Variants in NRXN3 observed in about 807,000 individuals in gnomAD.
NRXN3 encodes neurexin 3.
In NRXN3, 32 loss-of-function variants were observed where a neutral mutation model predicts 137.6. The ratio of observed to expected loss-of-function variants is 0.23; its 90% CI spans 0.18 to 0.31. The LOEUF (loss-of-function observed/expected upper bound fraction) is 0.31, where lower values mean the gene tolerates loss of function less well. NRXN3 is among the 10% of genes least tolerant of loss of function. The pLI, the probability that NRXN3 is intolerant of heterozygous loss-of-function variation, is 1.00. For synonymous variants in NRXN3, 798 were observed against 784.5 expected, an observed-to-expected ratio of 1.02 and a Z score of -0.29; for missense variants, 1,574 against 2,062.5, an observed-to-expected ratio of 0.76 and a Z score of 4.59.
intron 16 of NRXN3, among the ~76,000 whole-genome samples, chr14:79,518,241 G>A (rs1475454199): frequency 6.6e-6 from 1 of 151,842 alleles, no homozygotes; most frequent in Admixed American, 6.6e-5. Flanking sequence ...AAGCATTAGA[G>A]TATATAAGCA....
At chr14:79,767,459 A>G (rs1349102089) in intron 19 of NRXN3, among the ~76,000 whole-genome samples, 1 of 152,228 alleles carries the variant, frequency 6.6e-6, no homozygotes, top group Admixed American at 6.5e-5. Context: ...ATATGCTGTC[A>G]TAACCTCATG....
intron 2 of NRXN3, among the ~76,000 whole-genome samples, chr14:78,272,432 G>A (rs2072929927): frequency 1.3e-5 from 2 of 152,148 alleles, no homozygotes; most frequent in Admixed American, 6.5e-5. Flanking sequence ...TATAAGGGTG[G>A]GGCAAGTATT....
intron 19 of NRXN3, among the ~76,000 whole-genome samples, chr14:79,738,919 T>A (rs890016611): frequency 1.3e-5 from 2 of 152,164 alleles, no homozygotes; most frequent in African/African-American, 4.8e-5. Flanking sequence ...CACAGGAAAC[T>A]AATACAATAC....
chr14:78,516,586 G>A (rs1283856849), intron 4 of NRXN3, among the ~76,000 whole-genome samples: 1 of 151,674 alleles, frequency 6.6e-6, no homozygotes, highest in Non-Finnish European at 1.5e-5. Flanking sequence ...TTGGTGGAGA[G>A]CACCGAGGTC....
rs1354709308 is a variant in NRXN3, at chr14:78,300,728, A to G, written c.757+2868A>G. 8 of 1,426,534 alleles carry G rather than the reference A, an allele frequency of 5.6e-6. No homozygotes were observed. The East Asian group carries it at 1.7e-4, about 31-fold the overall frequency. The allele number at this position is 1,426,534 out of a possible 1,614,324, so 88.4% of individuals were successfully genotyped here. A position where few individuals can be genotyped will look rare whatever the true frequency, so the allele number is the denominator to read the frequency against. On this transcript the variant is annotated intron_variant, in intron 4 of 20. Coordinates refer to ENST00000335750, the MANE Select transcript of NRXN3 (RefSeq NM_001330195.2). ...TTTATTTTTATCATTATAACTATCA[A>G]TCTGCCTTTTGAAATATTCATGCAT...
chr14:78,535,245 T>C (rs2096524056), intron 4 of NRXN3, among the ~76,000 whole-genome samples: 1 of 152,012 alleles, frequency 6.6e-6, no homozygotes, highest in Admixed American at 6.6e-5. Context: ...GCTTCTCTGT[T>C]TACTGGGCAA....
At position 78,848,406 on chromosome 14, in the gene NRXN3, C is replaced by G. The variant is rs570394715; in HGVS notation, c.2275+38062C>G. On this transcript the variant is annotated intron_variant, in intron 10 of 20. Coordinates refer to ENST00000335750, the MANE Select transcript of NRXN3 (RefSeq NM_001330195.2). Reference sequence around the variant, plus strand: ...GGCTCTGTGTCAGGTGCTGGATAACCGTTAAAAGAAAGGAAAGCAAGCCCT... The same window carrying G: ...GGCTCTGTGTCAGGTGCTGGATAACGGTTAAAAGAAAGGAAAGCAAGCCCT... Among the ~76,000 whole-genome samples, 129 of 152,112 alleles carry G rather than the reference C, an allele frequency of 8.5e-4. 2 individuals are homozygous for G. The highest frequency in any genetic ancestry group is 2.7e-3 in the African/African-American group (113 of 41,508).
At chr14:78,463,452 T>G (rs1051693671) in intron 4 of NRXN3, among the ~76,000 whole-genome samples, 1 of 151,928 alleles carries the variant, frequency 6.6e-6, no homozygotes, top group Non-Finnish European at 1.5e-5. Context: ...AATTCTATCT[T>G]TAGTTCTTTG....
chr14:79,127,810 A>G (rs1274328061), intron 15 of NRXN3, among the ~76,000 whole-genome samples: 6 of 152,190 alleles, frequency 3.9e-5, no homozygotes, highest in African/African-American at 1.4e-4. Flanking sequence ...ACCGATGAGC[A>G]TGGAATGTTC....
intron 15 of NRXN3, among the ~76,000 whole-genome samples, chr14:79,011,774 C>T (rs895929650): frequency 6.6e-6 from 1 of 152,020 alleles, no homozygotes; most frequent in African/African-American, 2.4e-5. Flanking sequence ...GAGATCGCCC[C>T]GGAATGTATA....
chr14:79,749,165 C>T (rs767922088), intron 19 of NRXN3, among the ~76,000 whole-genome samples: 5 of 152,010 alleles, frequency 3.3e-5, no homozygotes, highest in South Asian at 2.1e-4. Context: ...AGAAGTTAAT[C>T]GTCTTGGGCA....
chr14:79,285,689 T>C (rs2082115320), intron 15 of NRXN3, among the ~76,000 whole-genome samples: 1 of 152,144 alleles, frequency 6.6e-6, no homozygotes, highest in Non-Finnish European at 1.5e-5. Context: ...ATCCATCAGA[T>C]TGGATTAGGG....
At chr14:78,471,271 TTCTTC>T in intron 4 of NRXN3, among the ~76,000 whole-genome samples, 1 of 147,842 alleles carries the variant, frequency 6.8e-6, no homozygotes, top group Admixed American at 7.0e-5. Context: ...TTTCTTCCCT[TTCTTC>T]TCTTCAACAC....
chr14:78,740,993 A>C (rs1053707489), intron 8 of NRXN3, among the ~76,000 whole-genome samples: 8 of 152,188 alleles, frequency 5.3e-5, no homozygotes, highest in Non-Finnish European at 8.8e-5. Context: ...GGAAACTAAA[A>C]GTCAGAGGTG....
At chr14:78,623,863 C>A (rs957225306) in intron 4 of NRXN3, among the ~76,000 whole-genome samples, 10 of 152,158 alleles carry the variant, frequency 6.6e-5, no homozygotes, top group African/African-American at 2.2e-4. Flanking sequence ...TGAGCCATGG[C>A]ACCCGGGCTG....
intron 15 of NRXN3, among the ~76,000 whole-genome samples, chr14:79,435,402 G>C (rs1222799571): frequency 1.3e-5 from 2 of 152,008 alleles, no homozygotes; most frequent in African/African-American, 4.8e-5. Flanking sequence ...AATCTTTTGT[G>C]CACGTGTTGC....
intron 4 of NRXN3, among the ~76,000 whole-genome samples, chr14:78,404,535 A>T (rs1010106592): frequency 1.3e-5 from 2 of 152,102 alleles, no homozygotes; most frequent in African/African-American, 4.8e-5. Flanking sequence ...GAATGAGGGA[A>T]TTGGAAACTA....
intron 8 of NRXN3, among the ~76,000 whole-genome samples, chr14:78,768,142 C>T (rs975569060): frequency 6.7e-6 from 1 of 148,380 alleles, no homozygotes; most frequent in Non-Finnish European, 1.5e-5. Context: ...AGAGAGACTA[C>T]ATGAGTCTGA....
At chr14:78,767,579 A>G (rs749886641) in intron 8 of NRXN3, among the ~76,000 whole-genome samples, 4 of 152,212 alleles carry the variant, frequency 2.6e-5, no homozygotes, top group Admixed American at 6.5e-5. Context: ...ACTAATTGTT[A>G]CAGTGAAATT....
Sources: gnomAD v4.1 joint callset for allele counts (sites outside exome capture counted in the v4.1 genomes callset) on GRCh38, gnomAD v4.1.1 for gene constraint, MANE v1.5 for transcripts, NCBI Gene and HGNC (gene_info 2026-07-23, HGNC 2026-07-21) for gene names.